The following HDAC9 variants were observed in gnomAD, a reference collection of about 807,000 sequenced individuals.
HDAC9 encodes histone deacetylase 9.
HDAC9 carries 41 observed loss-of-function variants against 139.4 expected under a neutral mutation model. The observed-to-expected ratio is 0.29, with a 90% CI of 0.23 to 0.38. The LOEUF is 0.38. Ranked by LOEUF, HDAC9 falls within the 10% of genes least tolerant of loss-of-function variation. HDAC9 has a pLI of 1.00. For missense variants in HDAC9, 1,147 were observed against 1,297.0 expected, an observed-to-expected ratio of 0.88 and a Z score of 1.78; for synonymous variants, 517 against 476.2, an observed-to-expected ratio of 1.09 and a Z score of -1.12.
chr7:18,672,938 T>G (rs1207062617), intron 12 of HDAC9, among the ~76,000 whole-genome samples: 1 of 152,094 alleles, frequency 6.6e-6, no homozygotes, highest in Non-Finnish European at 1.5e-5. Flanking sequence ...GGCTGACCCT[T>G]GTTGCTTTCT....
At chr7:18,386,542 C>T (rs991705815) in intron 1 of HDAC9, among the ~76,000 whole-genome samples, 1 of 152,158 alleles carries the variant, frequency 6.6e-6, no homozygotes, top group Non-Finnish European at 1.5e-5. Context: ...TAACTTGAAA[C>T]CCAGGTCACG....
intron 2 of HDAC9, among the ~76,000 whole-genome samples, chr7:18,170,714 A>G (rs1041870451): frequency 4.6e-5 from 7 of 152,002 alleles, no homozygotes; most frequent in Admixed American, 2.6e-4. Context: ...ATCCTTTCCC[A>G]TTTCTTGTTT....
intron 1 of HDAC9, among the ~76,000 whole-genome samples, chr7:18,403,292 T>TA (rs1172838286): frequency 6.6e-6 from 1 of 152,186 alleles, no homozygotes; most frequent in Non-Finnish European, 1.5e-5. Context: ...CAGTGACTCT[T>TA]ACGGTAAAGT....
intron 12 of HDAC9, among the ~76,000 whole-genome samples, chr7:18,702,794 C>G (rs1783610319): frequency 6.6e-6 from 1 of 152,224 alleles, no homozygotes; most frequent in Non-Finnish European, 1.5e-5. Flanking sequence ...CCACACTTTA[C>G]TCTTTGCAAC....
intron 1 of HDAC9, chr7:18,087,302 A>G (rs1781857217): frequency 6.6e-6 from 1 of 152,158 alleles, no homozygotes; most frequent in Non-Finnish European, 1.5e-5. Context: ...GCGCCGCGGT[A>G]TTCCCTTCTC....
chr7:18,795,185 G>C (rs1362570212), intron 17 of HDAC9, among the ~76,000 whole-genome samples: 1 of 140,808 alleles, frequency 7.1e-6, no homozygotes, highest in Admixed American at 7.6e-5. Flanking sequence ...TGAGAACAAC[G>C]ATTGGTACAA....
chr7:18,463,362 G>T (rs534419270), intron 1 of HDAC9, among the ~76,000 whole-genome samples: 5 of 151,882 alleles, frequency 3.3e-5, no homozygotes, highest in African/African-American at 4.8e-5. Context: ...GTGCCTGCAG[G>T]TGTGTGTGTG....
intron 2 of HDAC9, among the ~76,000 whole-genome samples, chr7:18,561,155 G>T (rs1202364782): frequency 1.3e-5 from 2 of 152,208 alleles, no homozygotes; most frequent in South Asian, 2.1e-4. Context: ...AAAGAAGTCA[G>T]TTATTTGTGG....
chr7:18,342,090 A>G (rs1782058136), intron 1 of HDAC9, among the ~76,000 whole-genome samples: 1 of 151,728 alleles, frequency 6.6e-6, no homozygotes, highest in Admixed American at 6.6e-5. Context: ...TTCTTTCCCT[A>G]GCCTCATTTA....
intron 2 of HDAC9, among the ~76,000 whole-genome samples, chr7:18,243,795 G>A (rs1213955067): frequency 2.0e-5 from 3 of 152,170 alleles, no homozygotes; most frequent in Non-Finnish European, 4.4e-5. Flanking sequence ...TTCTATCTGT[G>A]ATTACGTTAA....
At chr7:18,936,059 T>A in intron 23 of HDAC9, 117 bp downstream of exon 23, 1 of 960,722 alleles carries the variant, frequency 1.0e-6, no homozygotes, top group Non-Finnish European at 1.5e-6. Context: ...CTCTTACCAT[T>A]AAGAAAGAAG....
intron 2 of HDAC9, among the ~76,000 whole-genome samples, chr7:18,275,591 T>C (rs1357838463): frequency 1.3e-5 from 2 of 152,222 alleles, no homozygotes; most frequent in Non-Finnish European, 2.9e-5. Flanking sequence ...CTTCGTTGAA[T>C]TGCTGTGGTT....
At chr7:18,342,653 C>T (rs113315913) in intron 1 of HDAC9, among the ~76,000 whole-genome samples, 3,097 of 151,828 alleles carry the variant, frequency 0.02, 106 homozygotes, top group African/African-American at 0.071. Flanking sequence ...TGCCTACTTT[C>T]GGAGTGGCTG....
At chr7:18,222,998 A>T (rs1792809576) in intron 2 of HDAC9, among the ~76,000 whole-genome samples, 1 of 152,174 alleles carries the variant, frequency 6.6e-6, no homozygotes, top group South Asian at 2.1e-4. Flanking sequence ...ATTGCAGGAG[A>T]AAGTCCTTTT....
intron 1 of HDAC9, among the ~76,000 whole-genome samples, chr7:18,141,923 G>T (rs780894471): frequency 4.6e-5 from 7 of 152,236 alleles, no homozygotes; most frequent in Admixed American, 6.5e-5. Context: ...TACAATAAAG[G>T]AGGCAAATAT....
intron 21 of HDAC9, among the ~76,000 whole-genome samples, chr7:18,840,777 T>A (rs1026123760): frequency 1.3e-5 from 2 of 152,110 alleles, no homozygotes; most frequent in Non-Finnish European, 2.9e-5. Flanking sequence ...TTAAAGTCCA[T>A]TAATGCAAAA....
At chr7:18,676,696 C>G (rs187745413) in intron 12 of HDAC9, among the ~76,000 whole-genome samples, 1 of 151,774 alleles carries the variant, frequency 6.6e-6, no homozygotes, top group Non-Finnish European at 1.5e-5. Flanking sequence ...AAATATCCAA[C>G]TTGGTTCCTT....
intron 2 of HDAC9, among the ~76,000 whole-genome samples, chr7:18,283,212 A>C (rs543496477): frequency 1.3e-5 from 2 of 152,272 alleles, no homozygotes; most frequent in Admixed American, 1.3e-4. Context: ...GGTGGAAGGC[A>C]AAGAGGAAAC....
Position 18,590,353 on chromosome 7 carries a change from A to G in HDAC9, c.282A>G (p.Leu94=), listed in dbSNP as rs1294221262. 6.2e-7 allele frequency: 1 copy of G among 1,612,592 alleles called. No homozygotes were observed. Among genetic ancestry groups the G allele is most frequent in the Non-Finnish European group, 8.5e-7 (1 of 1,179,316 alleles). The change falls in exon 4 of 26, where the codon CTA becomes CTG. Residue 94 remains leucine, a synonymous_variant. Transcript: ENST00000686413. ...CTCGCAAGTTGCAACAGGAACTTCT[A>G]GCCATAAAACAGCAACAAGAACTCC... The part of the protein sequence containing the change: ...QEHIKLQQEL[L]AIKQQQELLE...
Sources: gnomAD v4.1 joint callset for allele counts (sites outside exome capture counted in the v4.1 genomes callset) on GRCh38, gnomAD v4.1.1 for gene constraint, MANE v1.5 for transcripts, NCBI Gene and HGNC (gene_info 2026-07-23, HGNC 2026-07-21) for gene names.